Variants in NCKAP5L observed in about 807,000 individuals in gnomAD.
NCKAP5L encodes nck-associated protein 5-like.
Under a neutral mutation model 103.2 loss-of-function variants are expected in NCKAP5L, and 54 were observed. The observed-to-expected ratio is 0.52, with a 90% CI of 0.42 to 0.66. The LOEUF is 0.66. Ranked by LOEUF, NCKAP5L falls within the 30% of genes least tolerant of loss-of-function variation. NCKAP5L has a pLI of 0.00. For synonymous variants in NCKAP5L, 762 were observed against 748.6 expected (o/e 1.02, Z -0.29); for missense variants, 1,733 against 1,750.6 (o/e 0.99, Z 0.18).
At chr12:49,803,198 G>A (rs768487029) in intron 3 of NCKAP5L, 33 bp from the exon 4 acceptor site, 4 of 1,611,184 alleles carry the variant, frequency 2.5e-6, no homozygotes, top group Admixed American at 3.3e-5. Flanking sequence ...GGGCAAAAAG[G>A]TGGCTTTGGG....
chr12:49,800,866 CATTGAGAAGAGTG>C (rs1449607031), intron 6 of NCKAP5L, among the ~76,000 whole-genome samples: 1 of 152,262 alleles, frequency 6.6e-6, no homozygotes, highest in Non-Finnish European at 1.5e-5. Context: ...TATCAGCAGT[CATTGAGAAGAGTG>C]TGCTGGGGTG....
intron 1 of NCKAP5L, among the ~76,000 whole-genome samples, chr12:49,817,238 C>T (rs1488502954): frequency 6.6e-6 from 1 of 152,044 alleles, no homozygotes; most frequent in Non-Finnish European, 1.5e-5. Flanking sequence ...AAGCAATCTA[C>T]AGATTCAATG....
chr12:49,792,468 T>A lies in NCKAP5L; in HGVS notation c.3770A>T (p.Glu1257Val). ...CACCATGGGGGTCCTGGGCAGCCCC[T>A]CCAGTTGTCGGGGTGGGCACATGAG... is the stretch of plus-strand genomic sequence containing the variant. The part of the protein sequence containing the change: ...DPLMCPPRQL[E>V]GLPRTPMALP... Residue 1257 changes from glutamate (E) to valine (V), a missense_variant, in exon 12 of 13, where the codon GAG becomes GTG. Glu to Val is a moderately radical substitution (Grantham distance 121, BLOSUM62 -2). Transcript: ENST00000335999. This position sits in a 1 kb window ranked among gnomAD's most constrained non-coding sequence, Gnocchi z 4.5. The A allele has an allele frequency of 6.2e-7, 1 of 1,613,340 alleles. No individual in the cohort carries two copies. The highest frequency in any genetic ancestry group is 1.1e-5 in the South Asian group (1 of 91,016).
At chr12:49,821,925 G>T (rs969865083) in intron 1 of NCKAP5L, among the ~76,000 whole-genome samples, 2 of 152,162 alleles carry the variant, frequency 1.3e-5, no homozygotes. Context: ...GGGAACCCTG[G>T]GATGAGTGGT....
In NCKAP5L at chr12:49,795,653, A is replaced by G. The variant is rs748681904; in HGVS notation, c.2207T>C (p.Leu736Pro). The change falls in exon 8 of 13, where the codon CTG (leucine) becomes CCG (proline). Residue 736 changes from leucine (L) to proline (P), a missense_variant. Coordinates refer to ENST00000335999, the MANE Select transcript of NCKAP5L (RefSeq NM_001037806.4). ...RGAVALGTNS[L>P]KQQEPGLMGD... The stretch of plus-strand genomic sequence containing the variant: ...CATAAGTCCAGGTTCCTGCTGCTTC[A>G]GGCTGTTTGTGCCCAAGGCCACTGC... 1.1e-5 allele frequency: 17 copies of G among 1,612,016 alleles called. No individual in the cohort carries two copies. The highest frequency in any genetic ancestry group is 1.4e-5 in the Non-Finnish European group (16 of 1,179,070).
At chr12:49,815,572 T>C (rs1299321208) in intron 1 of NCKAP5L, among the ~76,000 whole-genome samples, 1 of 152,216 alleles carries the variant, frequency 6.6e-6, no homozygotes, top group Non-Finnish European at 1.5e-5. Flanking sequence ...TGGAGTGCAA[T>C]GGCGTGATCT....
At chr12:49,799,506 G>A (rs1424623575) in intron 6 of NCKAP5L, among the ~76,000 whole-genome samples, 1 of 151,722 alleles carries the variant, frequency 6.6e-6, no homozygotes, top group African/African-American at 2.4e-5. Flanking sequence ...TTGTACAGAT[G>A]GTGTCTTGCT....
intron 6 of NCKAP5L, among the ~76,000 whole-genome samples, chr12:49,800,290 C>T (rs993516410): frequency 3.9e-5 from 6 of 152,374 alleles, no homozygotes; most frequent in Middle Eastern, 3.4e-3. Context: ...GGTTCTTTGA[C>T]GGCACTGTCA....
At chr12:49,804,862 G>A (rs1355151858) in intron 2 of NCKAP5L, 1 of 152,274 alleles carries the variant, frequency 6.6e-6, no homozygotes, top group Non-Finnish European at 1.5e-5. Flanking sequence ...TGAGCCTGGG[G>A]CCTGGCGCCC....
chr12:49,808,850 G>A (rs920417240), intron 1 of NCKAP5L, among the ~76,000 whole-genome samples: 15 of 152,216 alleles, frequency 9.9e-5, no homozygotes, highest in African/African-American at 3.6e-4. Context: ...CAACACGTCT[G>A]GGACGCTGGG....
chr12:49,796,664 C>A lies in NCKAP5L; in HGVS notation c.1196G>T (p.Gly399Val), dbSNP rs371862526. ...HRPGFGATSE[G>V]QGPLPFLSMF... ...GCTAAGGAAGGGGAGGGGCCCCTGG[C>A]CCTCTGAGGTAGCACCGAAGCCTGG... The change falls in exon 8 of 13, where the codon GGC becomes GTC. Residue 399 changes from glycine (G) to valine (V), a missense_variant. Physicochemically the swap from Gly to Val is moderately radical, Grantham distance 109. Transcript: ENST00000335999. 14 of 1,581,622 alleles carry A rather than the reference C, an allele frequency of 8.9e-6. No homozygotes were observed. The highest frequency in any genetic ancestry group is 1.4e-5 in the African/African-American group (1 of 73,740).
chr12:49,802,780 G>A (rs1258932995), intron 5 of NCKAP5L, 178 bp downstream of exon 5: 2 of 662,702 alleles, frequency 3.0e-6, no homozygotes, highest in Non-Finnish European at 5.1e-6. Context: ...ACTGCTCAGA[G>A]ACCTGGCCTT....
chr12:49,822,377 T>C (rs1443935166), intron 1 of NCKAP5L, among the ~76,000 whole-genome samples: 1 of 152,138 alleles, frequency 6.6e-6, no homozygotes, highest in Non-Finnish European at 1.5e-5. Flanking sequence ...ACCCAGGTAC[T>C]GCTAATAGGT....
intron 10 of NCKAP5L, 91 bp from the exon 11 acceptor site, chr12:49,793,077 C>T: frequency 9.2e-7 from 1 of 1,092,000 alleles, no homozygotes; most frequent in Non-Finnish European, 1.3e-6. Flanking sequence ...AGGCTCCACC[C>T]TTACTCAGGG....
In NCKAP5L at chr12:49,791,900, G is replaced by T. The variant is rs1945940387; in HGVS notation, c.3944C>A (p.Thr1315Asn). Residue 1315 changes from threonine (T) to asparagine (N), a missense_variant, in exon 13 of 13, where the codon ACC becomes AAC. Transcript: ENST00000335999. ...VASGGPPGLE[T>N]SESLSDSLYD... ...GAGTGAGTCACTGAGAGACTCCGAG[G>T]TCTCCAGCCCTGGGGGGCCCCCGCT... 1.2e-6 allele frequency: 2 copies of T among 1,612,320 alleles called. No homozygotes were observed. Among genetic ancestry groups the T allele is most frequent in the Non-Finnish European group, 1.7e-6 (2 of 1,179,536 alleles).
chr12:49,821,713 CT>C (rs1254688035), intron 1 of NCKAP5L, among the ~76,000 whole-genome samples: 1 of 152,234 alleles, frequency 6.6e-6, no homozygotes, highest in Non-Finnish European at 1.5e-5. Context: ...TTAACGTGGA[CT>C]TTTTTGATCA....
chr12:49,793,328 T>A, intron 10 of NCKAP5L, 24 bp downstream of exon 10: 1 of 1,596,056 alleles, frequency 6.3e-7, no homozygotes, highest in Non-Finnish European at 8.5e-7. Context: ...GGCAGGCCCA[T>A]CCTCAGCCCC....
chr12:49,824,298 C>T (rs571894620), intron 1 of NCKAP5L, among the ~76,000 whole-genome samples: 2 of 152,310 alleles, frequency 1.3e-5, no homozygotes, highest in African/African-American at 2.4e-5. Context: ...CTCAGCCCTC[C>T]GAACAGCCCC....
At position 49,803,088 on chromosome 12, in the gene NCKAP5L, C is replaced by T. The variant is rs1433102042; in HGVS notation, c.192+9G>A. ...CACATCCCCCCAGTCCCACTACAGA[C>T]CCACAGACCTCGTCCAGACAGCGCT... is the stretch of plus-strand genomic sequence containing the variant. On this transcript the variant is annotated intron_variant, in intron 4 of 12. Coordinates refer to ENST00000335999, the MANE Select transcript of NCKAP5L (RefSeq NM_001037806.4). 4 of 1,614,254 alleles carry T rather than the reference C, an allele frequency of 2.5e-6. No individual in the cohort carries two copies. The highest frequency in any genetic ancestry group is 3.4e-6 in the Non-Finnish European group (4 of 1,180,040).
Sources: gnomAD v4.1 joint callset for allele counts (sites outside exome capture counted in the v4.1 genomes callset) on GRCh38, gnomAD v4.1.1 for gene constraint, Gnocchi (gnomAD v3.1) non-coding constraint, MANE v1.5 for transcripts, NCBI Gene and HGNC (gene_info 2026-07-23, HGNC 2026-07-21) for gene names.